Variants in TYW1 observed in about 807,000 individuals in gnomAD.
The protein encoded by TYW1 is S-adenosyl-L-methionine-dependent tRNA 4-demethylwyosine synthase TYW1.
In TYW1, 46 loss-of-function variants were observed where a neutral mutation model predicts 96.2. That is an observed-to-expected ratio of 0.48 (90% confidence interval 0.38 to 0.61). The LOEUF (loss-of-function observed/expected upper bound fraction) is 0.61, where lower values mean the gene tolerates loss of function less well. TYW1 is among the 20% of genes least tolerant of loss of function. The pLI is 0.00. For missense variants in TYW1, 684 were observed against 909.6 expected, an observed-to-expected ratio of 0.75 and a Z score of 3.19; for synonymous variants, 274 against 323.0, an observed-to-expected ratio of 0.85 and a Z score of 1.63.
At chr7:66,997,236 C>G (rs908244420) in intron 1 of TYW1, among the ~76,000 whole-genome samples, 18 of 152,066 alleles carry the variant, frequency 1.2e-4, no homozygotes, top group African/African-American at 3.4e-4. Flanking sequence ...GACTTTTGCA[C>G]CTGTAAAGCC....
intron 9 of TYW1, among the ~76,000 whole-genome samples, chr7:67,059,177 GC>G (rs1466142004): frequency 1.4e-5 from 2 of 144,618 alleles, no homozygotes; most frequent in African/African-American, 2.6e-5. Context: ...TCAGCTTACT[GC>G]AGGCTCTGCC....
rs1339127182 is a variant in TYW1, at chr7:67,076,838, A to C, written c.1275-6592A>C. ...TGCCCAGGCTGGAGTGCAATGACACAATCTTGGCCCACTGCAACCTCCACC... is the reference window on the plus strand; with the variant it reads ...TGCCCAGGCTGGAGTGCAATGACACCATCTTGGCCCACTGCAACCTCCACC... On this transcript the variant is annotated intron_variant, in intron 10 of 15. Coordinates refer to ENST00000359626, the MANE Select transcript of TYW1 (RefSeq NM_018264.4). Among the ~76,000 whole-genome samples, 7 of 146,342 alleles carry C rather than the reference A, an allele frequency of 4.8e-5. No individual in the cohort carries two copies. The Admixed American group carries it at 4.8e-4, about 10-fold the overall frequency.
chr7:67,203,826 A>G (rs971724049), intron 15 of TYW1, among the ~76,000 whole-genome samples: 4 of 152,074 alleles, frequency 2.6e-5, no homozygotes, highest in Non-Finnish European at 5.9e-5. Flanking sequence ...TGTGATAGCA[A>G]CCAGTCCTCT....
intron 8 of TYW1, among the ~76,000 whole-genome samples, chr7:67,051,568 A>G (rs1274401343): frequency 6.6e-6 from 1 of 152,152 alleles, no homozygotes; most frequent in African/African-American, 2.4e-5. Flanking sequence ...CATCTATTTA[A>G]TTATGTACTA....
intron 13 of TYW1, among the ~76,000 whole-genome samples, chr7:67,120,102 G>A (rs1293256150): frequency 6.6e-6 from 1 of 151,234 alleles, no homozygotes. Flanking sequence ...CTTTTTTTGA[G>A]ATGGAGTCTC....
chr7:67,097,247 T>G (rs1334704483), intron 11 of TYW1, among the ~76,000 whole-genome samples: 2 of 152,168 alleles, frequency 1.3e-5, no homozygotes, highest in East Asian at 3.8e-4. Context: ...GTGATTCCAA[T>G]GTGCAGACAG....
chr7:67,064,139 G>A (rs764442005), intron 9 of TYW1, among the ~76,000 whole-genome samples: 3 of 152,200 alleles, frequency 2.0e-5, no homozygotes, highest in Non-Finnish European at 4.4e-5. Context: ...AATTGATTCT[G>A]TAGGTTGAAT....
Position 67,238,705 on chromosome 7 carries a change from G to A in TYW1, c.*176G>A. 1 of 1,429,920 alleles carries A rather than the reference G, an allele frequency of 7.0e-7. No homozygotes were observed. The highest frequency in any genetic ancestry group is 9.2e-7 in the Non-Finnish European group (1 of 1,089,708). 88.6% of individuals were successfully genotyped at this position (1,429,920 alleles called of 1,614,324 possible). On this transcript the variant is annotated 3_prime_UTR_variant, in exon 16 of 16. Coordinates refer to ENST00000359626, the MANE Select transcript of TYW1 (RefSeq NM_018264.4). Reference sequence around the variant, plus strand: ...CAGCGTCCACACTCAGAGGGCCTGGGCCACAGCCCCGATGTTTCTTTTCAG... The same window carrying A: ...CAGCGTCCACACTCAGAGGGCCTGGACCACAGCCCCGATGTTTCTTTTCAG...
rs1326837623 is a variant in TYW1 at position 67,170,932 on chromosome 7, C to G, written c.1699-12194C>G. On this transcript the variant is annotated intron_variant, in intron 13 of 15. Transcript: ENST00000359626. ...GGTTTGTTATGAAGATAATGCTGGC[C>G]TCGGAGAAGGAGGTGTGAAGTGTTT... Among the ~76,000 whole-genome samples the G allele has an allele frequency of 1.3e-5, 2 of 151,952 alleles. 1 individual carries two copies. The highest frequency in any genetic ancestry group is 6.3e-3 in the Middle Eastern group (2 of 316).
chr7:67,222,530 G>T (rs1368450634), intron 15 of TYW1, among the ~76,000 whole-genome samples: 2 of 151,558 alleles, frequency 1.3e-5, no homozygotes, highest in Non-Finnish European at 2.9e-5. Context: ...CAAAATGTCT[G>T]ATTAGAAATC....
intron 12 of TYW1, among the ~76,000 whole-genome samples, chr7:67,117,170 G>A (rs973911374): frequency 6.6e-5 from 10 of 152,200 alleles, no homozygotes; most frequent in African/African-American, 2.4e-4. Flanking sequence ...GGCTGATGCT[G>A]TCAGACTTGA....
At chr7:67,000,579 G>A (rs1310825127) in intron 3 of TYW1, among the ~76,000 whole-genome samples, 2 of 152,082 alleles carry the variant, frequency 1.3e-5, no homozygotes, top group Admixed American at 6.6e-5. Context: ...GATTACAGGC[G>A]TGAGGCACCG....
rs559203154 is a variant in TYW1, at chr7:67,221,304, C to T, written c.1978-17004C>T. 1.4e-4 allele frequency among the ~76,000 whole-genome samples: 21 copies of T among 152,184 alleles called. 1 individual carries two copies. In the South Asian group the frequency reaches 1.9e-3, roughly 14 times the overall value. On this transcript the variant is annotated intron_variant, in intron 15 of 15. Transcript: ENST00000359626. ...TTATTTTCTTTGATATTAGTAGAGC[C>T]GCTCCTGCTGTCTTTGGGTTACTCT...
chr7:67,155,808 A>G (rs4718461), intron 13 of TYW1, among the ~76,000 whole-genome samples: 2,464 of 152,062 alleles, frequency 0.016, 30 homozygotes, highest in Admixed American at 0.045. Context: ...TGTCCTTATC[A>G]TTGATATCTT....
intron 15 of TYW1, among the ~76,000 whole-genome samples, chr7:67,223,550 T>C (rs913576712): frequency 1.1e-4 from 16 of 150,774 alleles, no homozygotes; most frequent in African/African-American, 3.9e-4. Flanking sequence ...AGTGAAAGAG[T>C]AGGGATGGGG....
chr7:67,017,799 G>A (rs1794075555), intron 5 of TYW1, 54 bp from the exon 6 acceptor site: 4 of 1,562,452 alleles, frequency 2.6e-6, no homozygotes, highest in Non-Finnish European at 3.5e-6. Context: ...GAGCAGTCTG[G>A]AAAACCCTGA....
chr7:67,105,226 G>T (rs551106332), intron 12 of TYW1, among the ~76,000 whole-genome samples: 1 of 152,242 alleles, frequency 6.6e-6, no homozygotes, highest in South Asian at 2.1e-4. Flanking sequence ...GGGGCACTTG[G>T]GTACTGGGAC....
At chr7:67,099,435 G>A (rs1256751317) in intron 12 of TYW1, among the ~76,000 whole-genome samples, 2 of 152,170 alleles carry the variant, frequency 1.3e-5, no homozygotes, top group Admixed American at 6.5e-5. Context: ...GGGTATTTGT[G>A]ATAACCATTA....
intron 13 of TYW1, among the ~76,000 whole-genome samples, chr7:67,169,435 C>T (rs1320433743): frequency 1.3e-5 from 2 of 152,034 alleles, no homozygotes; most frequent in Non-Finnish European, 1.5e-5. Context: ...GAGTCTCGCT[C>T]TGTTCCCCAG....
Sources: allele counts gnomAD v4.1 joint callset (sites outside exome capture counted in the v4.1 genomes callset), GRCh38; gene constraint gnomAD v4.1.1; transcripts MANE v1.5; gene names NCBI Gene and HGNC (gene_info 2026-07-23, HGNC 2026-07-21).